Variants in AUTS2 observed in about 807,000 individuals in gnomAD.
The protein encoded by AUTS2 is autism susceptibility gene 2 protein.
AUTS2 carries 17 observed loss-of-function variants against 112.4 expected under a neutral mutation model. That is an observed-to-expected ratio of 0.15 (90% CI 0.10 to 0.23). AUTS2 has a LOEUF of 0.23. AUTS2 is among the 10% of genes least tolerant of loss of function. The pLI, the probability that AUTS2 is intolerant of heterozygous loss-of-function variation, is 1.00. For synonymous variants in AUTS2, 751 were observed against 702.7 expected, an observed-to-expected ratio of 1.07 and a Z score of -1.09; for missense variants, 1,510 against 1,701.6, an observed-to-expected ratio of 0.89 and a Z score of 1.98.
At chr7:69,933,385 A>G (rs1238098973) in intron 2 of AUTS2, among the ~76,000 whole-genome samples, 1 of 152,226 alleles carries the variant, frequency 6.6e-6, no homozygotes, top group East Asian at 1.9e-4. Flanking sequence ...CAGAGATTTC[A>G]TATTCACAAA....
intron 4 of AUTS2, among the ~76,000 whole-genome samples, chr7:70,338,031 G>A (rs1791074293): frequency 6.6e-6 from 1 of 152,224 alleles, no homozygotes; most frequent in South Asian, 2.1e-4. Context: ...TTATGTTACA[G>A]TGCATTAAAA....
At chr7:69,827,472 C>T (rs1791302429) in intron 1 of AUTS2, among the ~76,000 whole-genome samples, 1 of 151,962 alleles carries the variant, frequency 6.6e-6, no homozygotes, top group Non-Finnish European at 1.5e-5. Context: ...CTAAAAAAAC[C>T]CTGGATTCTG....
At chr7:70,073,781 T>G (rs1378080883) in intron 2 of AUTS2, among the ~76,000 whole-genome samples, 1 of 152,192 alleles carries the variant, frequency 6.6e-6, no homozygotes, top group African/African-American at 2.4e-5. Context: ...TCCTTCCTCC[T>G]TATACAACTA....
intron 2 of AUTS2, among the ~76,000 whole-genome samples, chr7:69,931,112 T>TACACACACACACAC (rs58190258): frequency 3.4e-5 from 5 of 148,886 alleles, no homozygotes; most frequent in African/African-American, 1.2e-4. Flanking sequence ...ATTTTGGATT[T>TACACACACACACAC]ACACACACAC....
Position 70,106,055 on chromosome 7 carries a change from C to T in AUTS2, c.523-12077C>T, listed in dbSNP as rs183390218. On this transcript the variant is annotated intron_variant, in intron 2 of 18. Coordinates refer to ENST00000342771, the MANE Select transcript of AUTS2 (RefSeq NM_015570.4). The stretch of plus-strand genomic sequence containing the variant: ...GTTGGGAAATTCATGGTTCTCTTTA[C>T]GTTTCCTTTACCTCACTTGCCCCTC... 3.9e-5 allele frequency among the ~76,000 whole-genome samples: 6 copies of T among 152,300 alleles called. No homozygotes were observed. The East Asian group carries it at 5.8e-4, about 15-fold the overall frequency.
intron 4 of AUTS2, among the ~76,000 whole-genome samples, chr7:70,364,545 A>G (rs1168488301): frequency 6.6e-6 from 1 of 150,770 alleles, no homozygotes; most frequent in Non-Finnish European, 1.5e-5. Flanking sequence ...CAGCCTGGTG[A>G]CAAAGCAAGA....
chr7:69,707,701 A>G (rs1562825523), intron 1 of AUTS2, among the ~76,000 whole-genome samples: 1 of 152,236 alleles, frequency 6.6e-6, no homozygotes, highest in Non-Finnish European at 1.5e-5. Context: ...CGGGATTAAC[A>G]TATATGAATC....
intron 1 of AUTS2, among the ~76,000 whole-genome samples, chr7:69,832,278 G>C (rs906458258): frequency 8.5e-5 from 13 of 152,280 alleles, no homozygotes; most frequent in Non-Finnish European, 1.8e-4. Flanking sequence ...AGAAGTGTAG[G>C]TGAAAGTAAG....
chr7:70,421,056 G>A (rs1431728864), intron 4 of AUTS2, among the ~76,000 whole-genome samples: 1 of 152,084 alleles, frequency 6.6e-6, no homozygotes, highest in Non-Finnish European at 1.5e-5. Flanking sequence ...AGGGGGAATT[G>A]TGAGACTACA....
intron 5 of AUTS2, among the ~76,000 whole-genome samples, chr7:70,602,607 G>T (rs1381981049): frequency 6.6e-6 from 1 of 152,184 alleles, no homozygotes; most frequent in Admixed American, 6.5e-5. Flanking sequence ...TCAAAAGTAT[G>T]CAGAGAGGTC....
At chr7:70,440,430 T>C (rs1236087261) in intron 5 of AUTS2, among the ~76,000 whole-genome samples, 2 of 151,906 alleles carry the variant, frequency 1.3e-5, no homozygotes, top group African/African-American at 4.8e-5. Context: ...AATAAAAATA[T>C]ATGAAGGCAT....
At chr7:70,243,278 TG>T (rs1790602948) in intron 4 of AUTS2, among the ~76,000 whole-genome samples, 1 of 141,532 alleles carries the variant, frequency 7.1e-6, no homozygotes, top group Non-Finnish European at 1.6e-5. Flanking sequence ...TGTGTGTGTG[TG>T]TATGAGTATA....
intron 5 of AUTS2, among the ~76,000 whole-genome samples, chr7:70,660,055 T>C (rs1806986122): frequency 6.6e-6 from 1 of 151,874 alleles, no homozygotes; most frequent in Non-Finnish European, 1.5e-5. Context: ...TGCATGCCTG[T>C]AGTCCCAGCT....
intron 17 of AUTS2, among the ~76,000 whole-genome samples, chr7:70,786,392 A>G (rs1477053011): frequency 6.6e-6 from 1 of 151,984 alleles, no homozygotes; most frequent in Non-Finnish European, 1.5e-5. Context: ...CAATTGTTAC[A>G]TTTCATCTTG....
intron 1 of AUTS2, among the ~76,000 whole-genome samples, chr7:69,706,966 A>T (rs1798085652): frequency 6.6e-6 from 1 of 152,230 alleles, no homozygotes; most frequent in Non-Finnish European, 1.5e-5. Context: ...CAACGTAAAA[A>T]GTACTTGGAG....
chr7:70,682,313 A>G (rs1808250536), intron 5 of AUTS2, among the ~76,000 whole-genome samples: 1 of 152,204 alleles, frequency 6.6e-6, no homozygotes. Flanking sequence ...AAAAGAAGGG[A>G]TTACTAAAGA....
chr7:70,646,297 A>G (rs1397945459), intron 5 of AUTS2, among the ~76,000 whole-genome samples: 2 of 152,186 alleles, frequency 1.3e-5, no homozygotes, highest in African/African-American at 4.8e-5. Flanking sequence ...AGCCCTCTGC[A>G]GTGAGGTTAA....
At chr7:70,519,657 C>A (rs1447276223) in intron 5 of AUTS2, among the ~76,000 whole-genome samples, 3 of 152,222 alleles carry the variant, frequency 2.0e-5, no homozygotes, top group African/African-American at 7.2e-5. Context: ...CTACTCCCAA[C>A]AGCTCATTTA....
intron 4 of AUTS2, among the ~76,000 whole-genome samples, chr7:70,312,623 G>T (rs1789812396): frequency 6.6e-6 from 1 of 152,190 alleles, no homozygotes; most frequent in African/African-American, 2.4e-5. Flanking sequence ...AATAGACACT[G>T]TGAAGGTGGG....
Sources: gnomAD v4.1 joint callset for allele counts (sites outside exome capture counted in the v4.1 genomes callset) on GRCh38, gnomAD v4.1.1 for gene constraint, MANE v1.5 for transcripts, NCBI Gene and HGNC (gene_info 2026-07-23, HGNC 2026-07-21) for gene names.